HUNK: variants seen among roughly 807,000 people sequenced by gnomAD.
The protein encoded by HUNK is hormonally up-regulated neu tumor-associated kinase.
A neutral mutation model predicts 61.0 loss-of-function variants in HUNK; 21 were observed. That is an observed-to-expected ratio of 0.34 (90% CI 0.24 to 0.50). The LOEUF (loss-of-function observed/expected upper bound fraction) is 0.50, where lower values mean the gene tolerates loss of function less well. HUNK is among the 20% of genes least tolerant of loss of function. The pLI is 0.98. For missense variants in HUNK, 772 were observed against 945.7 expected (o/e 0.82, Z 2.41); for synonymous variants, 371 against 386.1 (o/e 0.96, Z 0.46).
At chr21:31,997,998 GC>G (rs1433082325) in intron 10 of HUNK, among the ~76,000 whole-genome samples, 2 of 152,054 alleles carry the variant, frequency 1.3e-5, no homozygotes, top group Non-Finnish European at 2.9e-5. Context: ...GCTCACTGCA[GC>G]CTCCACTTCC....
Position 32,003,249 on chromosome 21 carries a change from C to A in HUNK, c.*4065C>A, listed in dbSNP as rs2833602. The stretch of plus-strand genomic sequence containing the variant: ...TTTCAAAACTGTGCAGCTTCCTGAA[C>A]CTTATGCTGTTTGTCCCATCCACTC... On this transcript the variant is annotated 3_prime_UTR_variant, in exon 11 of 11. Coordinates refer to ENST00000270112, the MANE Select transcript of HUNK (RefSeq NM_014586.2). The A allele has an allele frequency of 0.62, 94,897 of 152,044 alleles. 29,654 individuals carry two copies. Among genetic ancestry groups the A allele is most frequent in the South Asian group, 0.72 (3,483 of 4,814 alleles). 9.4% of individuals were successfully genotyped at this position (152,044 alleles called of 1,614,324 possible).
chr21:31,946,808 T>G (rs1173507087), intron 4 of HUNK, among the ~76,000 whole-genome samples: 4 of 152,182 alleles, frequency 2.6e-5, no homozygotes, highest in Non-Finnish European at 5.9e-5. Flanking sequence ...GGAGACGAAG[T>G]TTCACCATGT....
intron 9 of HUNK, among the ~76,000 whole-genome samples, chr21:31,994,650 C>T (rs1322251373): frequency 6.6e-6 from 1 of 152,206 alleles, no homozygotes; most frequent in African/African-American, 2.4e-5. Context: ...AGTGACATCA[C>T]CCTTCCCAGA....
intron 1 of HUNK, among the ~76,000 whole-genome samples, chr21:31,892,642 T>A (rs2052399394): frequency 6.6e-6 from 1 of 151,986 alleles, no homozygotes; most frequent in Non-Finnish European, 1.5e-5. Flanking sequence ...ATTTAGACTT[T>A]CATAGTTATA....
At chr21:31,882,490 G>A (rs1369590460) in intron 1 of HUNK, among the ~76,000 whole-genome samples, 1 of 152,176 alleles carries the variant, frequency 6.6e-6, no homozygotes, top group Non-Finnish European at 1.5e-5. Context: ...TATGCATAGA[G>A]ACCCACATAC....
At chr21:31,958,783 C>T in intron 4 of HUNK, 60 bp from the exon 5 acceptor site, 1 of 1,493,154 alleles carries the variant, frequency 6.7e-7, no homozygotes, top group Non-Finnish European at 9.0e-7. Context: ...GCCCGTGTCC[C>T]CAGTCTTCCC....
At chr21:31,891,556 C>G (rs1016702) in intron 1 of HUNK, among the ~76,000 whole-genome samples, 15,519 of 152,244 alleles carry the variant, frequency 0.1, 1,518 homozygotes, top group Admixed American at 0.29. Flanking sequence ...TGTTAGGATC[C>G]TGTTTACACA....
intron 8 of HUNK, among the ~76,000 whole-genome samples, chr21:31,989,688 T>C (rs2053158074): frequency 7.1e-6 from 1 of 141,652 alleles, no homozygotes. Flanking sequence ...CACTCTAACC[T>C]GTGTGACAGA....
intron 1 of HUNK, among the ~76,000 whole-genome samples, chr21:31,899,091 C>G (rs1402137585): frequency 6.6e-6 from 1 of 151,726 alleles, no homozygotes; most frequent in East Asian, 1.9e-4. Context: ...GCACTTGGTG[C>G]CATGGAGGAA....
intron 7 of HUNK, among the ~76,000 whole-genome samples, chr21:31,982,821 A>T (rs2053107115): frequency 6.6e-6 from 1 of 151,484 alleles, no homozygotes. Context: ...TATTTTTTTG[A>T]GAGACAGAGT....
At chr21:31,875,106 A>G (rs2052250445) in intron 1 of HUNK, among the ~76,000 whole-genome samples, 1 of 152,166 alleles carries the variant, frequency 6.6e-6, no homozygotes, top group South Asian at 2.1e-4. Flanking sequence ...CGTCAGCCGC[A>G]AGGAGGGAAG....
At chr21:31,883,242 A>AC (rs2052322178) in intron 1 of HUNK, among the ~76,000 whole-genome samples, 1 of 152,080 alleles carries the variant, frequency 6.6e-6, no homozygotes, top group Non-Finnish European at 1.5e-5. Context: ...AGGGTTCCCA[A>AC]CTTATAACCA....
intron 2 of HUNK, among the ~76,000 whole-genome samples, chr21:31,938,753 TTGTGTGTGTC>T (rs2052749032): frequency 6.6e-6 from 1 of 152,142 alleles, no homozygotes; most frequent in South Asian, 2.1e-4. Flanking sequence ...ATGTGTGTGT[TTGTGTGTGTC>T]TGTGTGTGTG....
intron 4 of HUNK, among the ~76,000 whole-genome samples, chr21:31,950,340 A>C (rs1165769258): frequency 6.6e-6 from 1 of 152,186 alleles, no homozygotes; most frequent in East Asian, 1.9e-4. Flanking sequence ...TGAGAAAAAA[A>C]ACCAGATTCT....
At chr21:31,996,038 T>G in intron 10 of HUNK, 90 bp downstream of exon 10, 2 of 965,606 alleles carry the variant, frequency 2.1e-6, no homozygotes, top group Non-Finnish European at 3.1e-6. Context: ...GAATGGGCCC[T>G]AGAGCAGAGA....
intron 1 of HUNK, among the ~76,000 whole-genome samples, chr21:31,889,163 A>G (rs972369899): frequency 6.6e-6 from 1 of 152,188 alleles, no homozygotes; most frequent in South Asian, 2.1e-4. Flanking sequence ...CAGATTACTT[A>G]TTAAAAACAA....
In HUNK at chr21:31,958,854, T is replaced by C. The variant is rs139850097; in HGVS notation, c.758T>C (p.Met253Thr). Residue 253 changes from methionine to threonine, a missense_variant, in exon 5 of 11, where the codon ATG becomes ACG. Transcript: ENST00000270112. ...KIDVWSIGVNMYAMLTGTLPF... is the reference protein window; with the variant it reads ...KIDVWSIGVNTYAMLTGTLPF... ...GTCTCTCTTTTCAGAGGTGTGAACA[T>C]GTATGCCATGTTGACCGGGACGCTG... 5 of 1,602,126 alleles carry C rather than the reference T, an allele frequency of 3.1e-6. No individual in the cohort carries two copies. The highest frequency in any genetic ancestry group is 2.2e-5 in the East Asian group (1 of 44,608).
chr21:31,884,149 G>T (rs116041077), intron 1 of HUNK, among the ~76,000 whole-genome samples: 2 of 152,120 alleles, frequency 1.3e-5, no homozygotes, highest in Non-Finnish European at 2.9e-5. Context: ...CAGAATGTTT[G>T]TGTCCCCCAA....
At chr21:31,888,230 G>C (rs772851193) in intron 1 of HUNK, among the ~76,000 whole-genome samples, 1 of 152,140 alleles carries the variant, frequency 6.6e-6, no homozygotes, top group Non-Finnish European at 1.5e-5. Flanking sequence ...CCAAACTGCA[G>C]GTTTCCGAAT....
Sources: allele counts gnomAD v4.1 joint callset (sites outside exome capture counted in the v4.1 genomes callset), GRCh38; gene constraint gnomAD v4.1.1; transcripts MANE v1.5; gene names NCBI Gene and HGNC (gene_info 2026-07-23, HGNC 2026-07-21).